The following ENOX1 variants were observed in gnomAD, a reference collection of about 807,000 sequenced individuals.
The protein encoded by ENOX1 is candidate growth-related and time keeping constitutive hydroquinone (NADH) oxidase.
Under a neutral mutation model 82.5 loss-of-function variants are expected in ENOX1, and 42 were observed. The ratio of observed to expected loss-of-function variants is 0.51; its 90% CI spans 0.40 to 0.66. ENOX1 has a LOEUF of 0.66. Among genes scored for constraint, ENOX1 ranks in the 30% least tolerant of loss-of-function variants. The pLI is 0.00. For missense variants in ENOX1, 608 were observed against 811.6 expected (o/e 0.75, Z 3.05); for synonymous variants, 271 against 282.2 (o/e 0.96, Z 0.40).
intron 3 of ENOX1, among the ~76,000 whole-genome samples, chr13:43,473,205 T>C (rs2058142846): frequency 6.6e-6 from 1 of 152,234 alleles, no homozygotes; most frequent in Non-Finnish European, 1.5e-5. Flanking sequence ...CATCCTACTA[T>C]GACTGTCATC....
chr13:43,392,314 T>C (rs1162995559), intron 5 of ENOX1, among the ~76,000 whole-genome samples: 4 of 152,194 alleles, frequency 2.6e-5, no homozygotes, highest in Admixed American at 6.5e-5. Flanking sequence ...GGAATAACTT[T>C]AGGTATTCAC....
chr13:43,670,490 ATGAGT>A (rs2085205882), intron 1 of ENOX1, among the ~76,000 whole-genome samples: 1 of 152,164 alleles, frequency 6.6e-6, no homozygotes, highest in Middle Eastern at 3.2e-3. Context: ...TGCTGAATGA[ATGAGT>A]TAACTAGTCA....
chr13:43,393,102 CA>C (rs1488672614), intron 5 of ENOX1, among the ~76,000 whole-genome samples: 9 of 152,038 alleles, frequency 5.9e-5, no homozygotes, highest in Non-Finnish European at 7.4e-5. Flanking sequence ...GGAAGATGAC[CA>C]ATAATAAGAG....
chr13:43,464,967 T>C (rs2057654489), intron 3 of ENOX1, among the ~76,000 whole-genome samples: 1 of 152,198 alleles, frequency 6.6e-6, no homozygotes, highest in Non-Finnish European at 1.5e-5. Flanking sequence ...CCCTCACTTT[T>C]GGCTGATTAG....
At chr13:43,467,281 T>C (rs535099795) in intron 3 of ENOX1, among the ~76,000 whole-genome samples, 1 of 152,334 alleles carries the variant, frequency 6.6e-6, no homozygotes, top group Non-Finnish European at 1.5e-5. Context: ...TGTTATTGTC[T>C]GTCAATTTTA....
At chr13:43,542,723 A>C (rs1272372495) in intron 2 of ENOX1, among the ~76,000 whole-genome samples, 1 of 152,200 alleles carries the variant, frequency 6.6e-6, no homozygotes, top group Non-Finnish European at 1.5e-5. Flanking sequence ...GGCGTGAGCC[A>C]CGGTGCCAGC....
chr13:43,645,980 A>T (rs2083878860), intron 2 of ENOX1, among the ~76,000 whole-genome samples: 1 of 152,198 alleles, frequency 6.6e-6, no homozygotes, highest in Non-Finnish European at 1.5e-5. Flanking sequence ...TCCTGGCAAG[A>T]GTCAAAGATA....
chr13:43,770,597 T>G (rs143045391), intron 1 of ENOX1, among the ~76,000 whole-genome samples: 15 of 151,974 alleles, frequency 9.9e-5, no homozygotes, highest in Admixed American at 2.0e-4. Context: ...CATGTTATTA[T>G]GAGTTATTAT....
At chr13:43,383,202 A>C (rs2052182142) in intron 5 of ENOX1, among the ~76,000 whole-genome samples, 1 of 152,214 alleles carries the variant, frequency 6.6e-6, no homozygotes, top group South Asian at 2.1e-4. Context: ...CCAAGCGAGG[A>C]AATTTCTCCA....
chr13:43,631,615 A>G (rs554542548), intron 2 of ENOX1, among the ~76,000 whole-genome samples: 1 of 152,342 alleles, frequency 6.6e-6, no homozygotes, highest in East Asian at 1.9e-4. Flanking sequence ...TAATTTTAGA[A>G]CAAATATAAT....
At chr13:43,366,263 A>C (rs1290174304) in intron 5 of ENOX1, among the ~76,000 whole-genome samples, 1 of 150,186 alleles carries the variant, frequency 6.7e-6, no homozygotes, top group Non-Finnish European at 1.5e-5. Flanking sequence ...GCACAGCTGG[A>C]TGACCTAAGG....
intron 12 of ENOX1, among the ~76,000 whole-genome samples, chr13:43,278,933 ATAAT>A: frequency 1.3e-5 from 2 of 152,326 alleles, no homozygotes; most frequent in Middle Eastern, 6.8e-3. Flanking sequence ...CCATTTTATG[ATAAT>A]TAATGAAAAT....
intron 5 of ENOX1, among the ~76,000 whole-genome samples, chr13:43,392,466 G>A (rs1318435327): frequency 6.6e-6 from 1 of 152,160 alleles, no homozygotes; most frequent in African/African-American, 2.4e-5. Context: ...ATCCCCTGAG[G>A]TCAGGAGTTC....
At chr13:43,616,204 A>ATATATATATATATATTT (rs1457149422) in intron 2 of ENOX1, among the ~76,000 whole-genome samples, 5 of 15,318 alleles carry the variant, frequency 3.3e-4, no homozygotes, top group East Asian at 6.8e-3. Flanking sequence ...ATATATATAT[A>ATATATATATATATATTT]TTTTTTTTTT....
intron 2 of ENOX1, among the ~76,000 whole-genome samples, chr13:43,548,798 T>C (rs1259278422): frequency 6.6e-6 from 1 of 152,160 alleles, no homozygotes. Context: ...CAGATATCAC[T>C]AATGGAATGT....
rs55918525 is a variant in ENOX1, at chr13:43,726,718, T to TTGTGTGTG, written c.-284-59182_-284-59175dup. On this transcript the variant is annotated intron_variant, in intron 1 of 16. Transcript: ENST00000690772. Reference sequence around the variant, plus strand: ...GGAAACTGAAGAAACGCATTGACTTTTGTGTGTGTGTGTGTGTGTGTGTGT... The same window carrying TTGTGTGTG: ...GGAAACTGAAGAAACGCATTGACTTTTGTGTGTGTGTGTGTGTGTGTGTGTGTGTGTGT... Among the ~76,000 whole-genome samples, 634 of 144,768 alleles carry TTGTGTGTG rather than the reference T, an allele frequency of 4.4e-3. 1 individual carries two copies. The highest frequency in any genetic ancestry group is 8.8e-3 in the African/African-American group (347 of 39,508). 95.0% of individuals were successfully genotyped at this position (144,768 alleles called of 152,430 possible).
intron 5 of ENOX1, among the ~76,000 whole-genome samples, chr13:43,408,235 G>C (rs775469316): frequency 1.3e-5 from 2 of 152,168 alleles, no homozygotes; most frequent in Non-Finnish European, 2.9e-5. Flanking sequence ...GATTTCCTGG[G>C]AAATCCTTTT....
intron 2 of ENOX1, chr13:43,545,494 C>G (rs931077462): frequency 1.3e-5 from 2 of 152,178 alleles, no homozygotes; most frequent in Non-Finnish European, 2.9e-5. Flanking sequence ...AGGGATGGAC[C>G]GGGCTCCTGG....
intron 2 of ENOX1, among the ~76,000 whole-genome samples, chr13:43,607,475 G>C (rs9316044): frequency 0.55 from 83,769 of 151,980 alleles, 26,508 homozygotes; most frequent in Non-Finnish European, 0.73. Flanking sequence ...ATGGCAGTAA[G>C]TTAACACATT....
Sources: allele counts gnomAD v4.1 joint callset (sites outside exome capture counted in the v4.1 genomes callset), GRCh38; gene constraint gnomAD v4.1.1; transcripts MANE v1.5; gene names NCBI Gene and HGNC (gene_info 2026-07-23, HGNC 2026-07-21).